Variants in CDYL observed in about 807,000 individuals in gnomAD.
The protein encoded by CDYL is chromodomain Y-like protein.
Under a neutral mutation model 47.3 loss-of-function variants are expected in CDYL, and 8 were observed. That is an observed-to-expected ratio of 0.17 (90% CI 0.10 to 0.31). The LOEUF is 0.31. Among genes scored for constraint, CDYL ranks in the 10% least tolerant of loss-of-function variants. The pLI is 1.00. For missense variants in CDYL, 471 were observed against 701.4 expected (o/e 0.67, Z 3.71); for synonymous variants, 266 against 265.0 (o/e 1.00, Z -0.04).
chr6:4,850,338 G>A (rs182905237), intron 1 of CDYL, among the ~76,000 whole-genome samples: 40 of 152,232 alleles, frequency 2.6e-4, no homozygotes, highest in South Asian at 1.9e-3. Context: ...ACCTTTCACC[G>A]TTGCTGTGTA....
At chr6:4,869,431 T>G (rs1299083614) in intron 1 of CDYL, among the ~76,000 whole-genome samples, 1 of 152,080 alleles carries the variant, frequency 6.6e-6, no homozygotes, top group Non-Finnish European at 1.5e-5. Flanking sequence ...TTAGGAGTGT[T>G]TAGTTATTTC....
intron 1 of CDYL, among the ~76,000 whole-genome samples, chr6:4,829,935 T>G (rs1760089104): frequency 6.6e-6 from 1 of 152,254 alleles, no homozygotes; most frequent in African/African-American, 2.4e-5. Context: ...CCTGTAATTT[T>G]GAAGTTGCTA....
intron 2 of CDYL, among the ~76,000 whole-genome samples, chr6:4,926,051 A>G (rs994020967): frequency 6.6e-6 from 1 of 152,212 alleles, no homozygotes; most frequent in South Asian, 2.1e-4. Context: ...TTTTATTGGA[A>G]GTCTACTAGA....
At chr6:4,907,745 G>A (rs952558890) in intron 2 of CDYL, among the ~76,000 whole-genome samples, 1 of 152,158 alleles carries the variant, frequency 6.6e-6, no homozygotes, top group Non-Finnish European at 1.5e-5. Context: ...TTACTATATA[G>A]TTTTTGTTAC....
chr6:4,832,712 C>G (rs1166842621), intron 1 of CDYL, among the ~76,000 whole-genome samples: 1 of 147,650 alleles, frequency 6.8e-6, no homozygotes, highest in Non-Finnish European at 1.5e-5. Flanking sequence ...GTCCTGGACT[C>G]TTTTTGGTTG....
At position 4,814,016 on chromosome 6, in the gene CDYL, G is replaced by C. The variant is rs145696231; in HGVS notation, c.24+37209G>C. Among the ~76,000 whole-genome samples the C allele has an allele frequency of 4.1e-3, 620 of 150,032 alleles. 1 individual carries two copies. The highest frequency in any genetic ancestry group is 0.014 in the African/African-American group (579 of 40,852). On this transcript the variant is annotated intron_variant, in intron 1 of 6. Transcript: ENST00000397588. ...GTCTTGAACTCCAGCTTGAACTCAA[G>C]TGATCCACCCACCTTGGCCTCTCAA...
chr6:4,881,682 A>G (rs1398363332), intron 1 of CDYL, among the ~76,000 whole-genome samples: 1 of 152,228 alleles, frequency 6.6e-6, no homozygotes, highest in Admixed American at 6.5e-5. Flanking sequence ...TGCATTAAAC[A>G]TTATTACACT....
chr6:4,714,382 T>C (rs900826827), intron 1 of CDYL: 3 of 152,132 alleles, frequency 2.0e-5, no homozygotes, highest in Non-Finnish European at 1.5e-5. Flanking sequence ...TGAACTGCAG[T>C]GTCTCATCCA....
At position 4,804,502 on chromosome 6, in the gene CDYL, G is replaced by C. The variant is rs1376630087; in HGVS notation, c.24+27695G>C. Among the ~76,000 whole-genome samples the C allele has an allele frequency of 3.9e-5, 6 of 152,212 alleles. No individual in the cohort carries two copies. The East Asian group carries it at 1.2e-3, about 29-fold the overall frequency. On this transcript the variant is annotated intron_variant, in intron 1 of 6. Coordinates refer to ENST00000397588, the MANE Select transcript of CDYL (RefSeq NM_004824.4). ...GCATCTCCAGGCCAGTGGCCTGGGA[G>C]CCAGAGAGAGCTTGTTCTCTGATGC...
At chr6:4,833,860 T>C (rs1191044402) in intron 1 of CDYL, among the ~76,000 whole-genome samples, 1 of 152,112 alleles carries the variant, frequency 6.6e-6, no homozygotes, top group Non-Finnish European at 1.5e-5. Context: ...TCTTTGTTGG[T>C]TTAAAGTCTG....
chr6:4,915,909 C>T (rs1277519894), intron 2 of CDYL, among the ~76,000 whole-genome samples: 1 of 152,200 alleles, frequency 6.6e-6, no homozygotes, highest in Admixed American at 6.5e-5. Flanking sequence ...CATATCTAAA[C>T]TCAAGCATTT....
intron 3 of CDYL, among the ~76,000 whole-genome samples, chr6:4,755,252 G>C (rs1302418503): frequency 3.4e-5 from 5 of 148,556 alleles, no homozygotes; most frequent in Admixed American, 3.4e-4. Flanking sequence ...TGTATTTTTA[G>C]TTGAGACGGG....
intron 3 of CDYL, among the ~76,000 whole-genome samples, chr6:4,740,098 AAGG>A (rs1378618870): frequency 3.9e-5 from 6 of 152,354 alleles, no homozygotes; most frequent in Admixed American, 1.3e-4. Flanking sequence ...TGAAATTACG[AAGG>A]AGAGTGTCTG....
intron 1 of CDYL, among the ~76,000 whole-genome samples, chr6:4,788,228 G>A (rs1404546863): frequency 3.9e-5 from 6 of 151,934 alleles, no homozygotes; most frequent in African/African-American, 7.2e-5. Context: ...AGTGGCTGGC[G>A]CCTGTAATCC....
chr6:4,791,883 ATTT>A (rs35580568), intron 1 of CDYL, among the ~76,000 whole-genome samples: 7 of 139,932 alleles, frequency 5.0e-5, no homozygotes, highest in African/African-American at 1.6e-4. Flanking sequence ...GAATTGTAGA[ATTT>A]TTTTTTTTTT....
At chr6:4,785,837 G>A (rs1758740998) in intron 1 of CDYL, among the ~76,000 whole-genome samples, 1 of 152,210 alleles carries the variant, frequency 6.6e-6, no homozygotes, top group African/African-American at 2.4e-5. Flanking sequence ...GCCAGAGGCA[G>A]GTGAATTGAC....
At chr6:4,759,879 CAAAAAA>C (rs869207879) in intron 3 of CDYL, among the ~76,000 whole-genome samples, 2 of 25,064 alleles carry the variant, frequency 8.0e-5, no homozygotes, top group African/African-American at 8.9e-5. Flanking sequence ...AACTCCATCT[CAAAAAA>C]AAAAAAAAAA....
chr6:4,866,045 A>G (rs1015111627), intron 1 of CDYL, among the ~76,000 whole-genome samples: 12 of 152,198 alleles, frequency 7.9e-5, no homozygotes, highest in African/African-American at 2.9e-4. Context: ...AAAAACACAT[A>G]TCATACTGTG....
At chr6:4,868,564 G>A (rs1180813311) in intron 1 of CDYL, among the ~76,000 whole-genome samples, 1 of 151,950 alleles carries the variant, frequency 6.6e-6, no homozygotes, top group East Asian at 1.9e-4. Flanking sequence ...CCTGTTTTAT[G>A]GCCTACATTC....
Sources: allele counts gnomAD v4.1 joint callset (sites outside exome capture counted in the v4.1 genomes callset), GRCh38; gene constraint gnomAD v4.1.1; transcripts MANE v1.5; gene names NCBI Gene and HGNC (gene_info 2026-07-23, HGNC 2026-07-21).